CCDC85A: variants seen among roughly 807,000 people sequenced by gnomAD.
CCDC85A encodes coiled-coil domain containing 85A.
A neutral mutation model predicts 50.2 loss-of-function variants in CCDC85A; 38 were observed. That is an observed-to-expected ratio of 0.76 (90% CI 0.58 to 0.99). The LOEUF (loss-of-function observed/expected upper bound fraction) is 0.99, where lower values mean the gene tolerates loss of function less well. CCDC85A is among the 50% of genes least tolerant of loss of function. The probability of loss-of-function intolerance (pLI) is 0.00; values close to 1 mark genes in which losing one functional copy is unlikely to be tolerated. For missense variants in CCDC85A, 820 were observed against 742.0 expected (o/e 1.11, Z -1.22); for synonymous variants, 366 against 301.4 (o/e 1.21, Z -2.22).
intron 2 of CCDC85A, among the ~76,000 whole-genome samples, chr2:56,326,191 T>C (rs1673462775): frequency 6.6e-6 from 1 of 152,094 alleles, no homozygotes; most frequent in South Asian, 2.1e-4. Context: ...AGTCCAGAAA[T>C]TGCAGCCTAC....
At chr2:56,317,485 G>T (rs984409109) in intron 2 of CCDC85A, among the ~76,000 whole-genome samples, 3 of 152,022 alleles carry the variant, frequency 2.0e-5, no homozygotes, top group Admixed American at 1.3e-4. Flanking sequence ...GTCTTGCAAA[G>T]CTAAGTGGAA....
At chr2:56,349,356 C>T (rs1029572097) in intron 3 of CCDC85A, among the ~76,000 whole-genome samples, 6 of 152,034 alleles carry the variant, frequency 3.9e-5, no homozygotes, top group African/African-American at 7.2e-5. Context: ...CAGATGGGAG[C>T]AGCACGAGTG....
intron 2 of CCDC85A, among the ~76,000 whole-genome samples, chr2:56,209,444 TC>T (rs1280278942): frequency 2.0e-5 from 3 of 151,870 alleles, no homozygotes; most frequent in African/African-American, 7.2e-5. Flanking sequence ...TTCTCCTTTT[TC>T]TTTTAGCACT....
intron 3 of CCDC85A, among the ~76,000 whole-genome samples, chr2:56,344,170 C>T (rs1485086562): frequency 6.6e-6 from 1 of 152,058 alleles, no homozygotes; most frequent in Non-Finnish European, 1.5e-5. Flanking sequence ...TTCTTCTATA[C>T]ATAAATATAT....
chr2:56,374,122 C>A (rs1021389733), intron 4 of CCDC85A, among the ~76,000 whole-genome samples: 1 of 152,190 alleles, frequency 6.6e-6, no homozygotes, highest in Non-Finnish European at 1.5e-5. Flanking sequence ...AATTGACAAT[C>A]CTGTTTCATC....
intron 1 of CCDC85A, among the ~76,000 whole-genome samples, chr2:56,191,616 A>G (rs1041189254): frequency 6.6e-6 from 1 of 152,244 alleles, no homozygotes; most frequent in African/African-American, 2.4e-5. Context: ...AGGAGATGCC[A>G]GGGATGACCC....
intron 3 of CCDC85A, among the ~76,000 whole-genome samples, chr2:56,353,443 CCTT>C (rs1194134051): frequency 2.0e-5 from 3 of 152,182 alleles, no homozygotes; most frequent in African/African-American, 7.2e-5. Flanking sequence ...AGAGCTAACT[CCTT>C]CATTTCTAAG....
At chr2:56,240,091 C>T (rs752457306) in intron 2 of CCDC85A, among the ~76,000 whole-genome samples, 24 of 152,108 alleles carry the variant, frequency 1.6e-4, no homozygotes, top group Non-Finnish European at 2.9e-4. Flanking sequence ...CAGAGTTGTA[C>T]AATGATCATC....
At chr2:56,264,802 G>A (rs1558613048) in intron 2 of CCDC85A, among the ~76,000 whole-genome samples, 1 of 152,168 alleles carries the variant, frequency 6.6e-6, no homozygotes, top group African/African-American at 2.4e-5. Flanking sequence ...CTCCCAGCAT[G>A]CTCCACCTCA....
intron 2 of CCDC85A, among the ~76,000 whole-genome samples, chr2:56,342,623 A>G (rs568399053): frequency 2.4e-4 from 36 of 152,256 alleles, no homozygotes; most frequent in African/African-American, 8.2e-4. Context: ...CTAATCGTCA[A>G]TTGTGTGTAC....
chr2:56,342,444 C>T (rs937033000), intron 2 of CCDC85A, among the ~76,000 whole-genome samples: 1 of 152,122 alleles, frequency 6.6e-6, no homozygotes, highest in Admixed American at 6.5e-5. Context: ...GGTTTGAGTT[C>T]TGGTTTTGCC....
At chr2:56,325,846 T>C (rs193058771) in intron 2 of CCDC85A, among the ~76,000 whole-genome samples, 1 of 152,250 alleles carries the variant, frequency 6.6e-6, no homozygotes, top group Non-Finnish European at 1.5e-5. Flanking sequence ...TTGGATGGCT[T>C]GGTTGTTGAC....
At chr2:56,260,765 T>C (rs1670183594) in intron 2 of CCDC85A, among the ~76,000 whole-genome samples, 1 of 152,212 alleles carries the variant, frequency 6.6e-6, no homozygotes, top group African/African-American at 2.4e-5. Flanking sequence ...GTTATTACTT[T>C]AGTAAAGGAA....
intron 2 of CCDC85A, among the ~76,000 whole-genome samples, chr2:56,298,815 T>A (rs531700442): frequency 6.6e-6 from 1 of 152,282 alleles, no homozygotes; most frequent in African/African-American, 2.4e-5. Flanking sequence ...TTCTGTTTAC[T>A]TTTGTGGCCT....
chr2:56,319,396 G>C (rs1290322848), intron 2 of CCDC85A, among the ~76,000 whole-genome samples: 1 of 152,018 alleles, frequency 6.6e-6, no homozygotes, highest in African/African-American at 2.4e-5. Flanking sequence ...ATGTTTTCAG[G>C]GAGCTGGTTC....
Position 56,384,421 on chromosome 2 carries a change from G to T in CCDC85A, c.*66G>T. On this transcript the variant is annotated 3_prime_UTR_variant, in exon 6 of 6. Coordinates refer to ENST00000407595, the MANE Select transcript of CCDC85A (RefSeq NM_001080433.2). ...AGTGATAGAAGACAAGAAGAAAAAG[G>T]AAAGAGTGGGTTTCCACAAACCTGG... is the stretch of plus-strand genomic sequence containing the variant. 1 of 1,240,762 alleles carries T rather than the reference G, an allele frequency of 8.1e-7. No homozygotes were observed. The highest frequency in any genetic ancestry group is 1.2e-6 in the Non-Finnish European group (1 of 861,956). The allele number at this position is 1,240,762 out of a possible 1,614,324, so 76.9% of individuals were successfully genotyped here. A position where few individuals can be genotyped will look rare whatever the true frequency, so the allele number is the denominator to read the frequency against.
At chr2:56,366,373 G>T (rs541614962) in intron 3 of CCDC85A, among the ~76,000 whole-genome samples, 15 of 152,218 alleles carry the variant, frequency 9.9e-5, no homozygotes, top group Admixed American at 4.6e-4. Context: ...ATTCCCACCA[G>T]CAGTGTGCAA....
intron 2 of CCDC85A, among the ~76,000 whole-genome samples, chr2:56,254,369 A>G (rs1345116702): frequency 1.3e-5 from 2 of 152,144 alleles, no homozygotes; most frequent in Non-Finnish European, 2.9e-5. Context: ...TATCAAGGAT[A>G]AAAATGTGGA....
intron 2 of CCDC85A, among the ~76,000 whole-genome samples, chr2:56,299,871 C>T (rs1405929105): frequency 6.6e-6 from 1 of 152,130 alleles, no homozygotes; most frequent in Non-Finnish European, 1.5e-5. Flanking sequence ...ATGAAAAAGT[C>T]TGACATGGGG....
Sources: gnomAD v4.1 joint callset for allele counts (sites outside exome capture counted in the v4.1 genomes callset) on GRCh38, gnomAD v4.1.1 for gene constraint, MANE v1.5 for transcripts, NCBI Gene and HGNC (gene_info 2026-07-23, HGNC 2026-07-21) for gene names.